Variants in FNDC3B observed in about 807,000 individuals in gnomAD.
FNDC3B encodes the protein fibronectin type III domain containing 3B, also known as fibronectin type III domain-containing protein 3B.
In FNDC3B, 12 loss-of-function variants were observed where a neutral mutation model predicts 151.5. That is an observed-to-expected ratio of 0.08 (90% confidence interval 0.05 to 0.13). The LOEUF is 0.13. Among genes scored for constraint, FNDC3B ranks in the 10% least tolerant of loss-of-function variants. The pLI is 1.00. For synonymous variants in FNDC3B, 528 were observed against 549.0 expected (o/e 0.96, Z 0.54); for missense variants, 1,214 against 1,505.3 (o/e 0.81, Z 3.20).
intron 2 of FNDC3B, among the ~76,000 whole-genome samples, chr3:172,130,740 A>G (rs551830859): frequency 3.9e-4 from 59 of 152,292 alleles, no homozygotes; most frequent in Non-Finnish European, 6.5e-4. Flanking sequence ...GTATTTTCTG[A>G]ACCGGTATTC....
At chr3:172,346,280 C>A in intron 19 of FNDC3B, 47 bp from the exon 20 acceptor site, 1 of 1,096,790 alleles carries the variant, frequency 9.1e-7, no homozygotes. Context: ...TTCACAAACA[C>A]ATACACGCAT....
intron 3 of FNDC3B, among the ~76,000 whole-genome samples, chr3:172,190,827 C>T (rs1724470406): frequency 6.6e-6 from 1 of 152,146 alleles, no homozygotes; most frequent in Admixed American, 6.6e-5. Context: ...TACCACCATG[C>T]CCGGCTAATT....
intron 3 of FNDC3B, among the ~76,000 whole-genome samples, chr3:172,206,659 C>CAAAAAAA (rs57377409): frequency 5.5e-5 from 3 of 54,482 alleles, no homozygotes; most frequent in African/African-American, 7.1e-5. Flanking sequence ...AACTCCATCT[C>CAAAAAAA]AAAAAAAAAA....
At chr3:172,185,499 GTTC>G (rs1042004764) in intron 3 of FNDC3B, among the ~76,000 whole-genome samples, 22 of 152,182 alleles carry the variant, frequency 1.4e-4, no homozygotes, top group Non-Finnish European at 2.9e-4. Flanking sequence ...GAGACATTGA[GTTC>G]TTCTACAGAA....
intron 6 of FNDC3B, among the ~76,000 whole-genome samples, chr3:172,276,779 A>T (rs1453999306): frequency 6.6e-6 from 1 of 152,216 alleles, no homozygotes. Context: ...ACAGATAGTG[A>T]TATATTCTAT....
At chr3:172,230,525 A>C (rs1726838826) in intron 4 of FNDC3B, among the ~76,000 whole-genome samples, 1 of 151,852 alleles carries the variant, frequency 6.6e-6, no homozygotes, top group Admixed American at 6.6e-5. Context: ...AAGAACAACA[A>C]CAACAAAAAT....
intron 6 of FNDC3B, among the ~76,000 whole-genome samples, chr3:172,257,569 TAC>T (rs10582558): frequency 0.22 from 32,095 of 143,504 alleles, 3,603 homozygotes; most frequent in Non-Finnish European, 0.27. Flanking sequence ...CACGCATTCA[TAC>T]ACACACACAC....
intron 1 of FNDC3B, among the ~76,000 whole-genome samples, chr3:172,098,772 G>C (rs1157386341): frequency 2.6e-4 from 39 of 152,214 alleles, no homozygotes; most frequent in Admixed American, 2.4e-3. Context: ...CACTGGCTTT[G>C]TTGACCCTGA....
intron 3 of FNDC3B, among the ~76,000 whole-genome samples, chr3:172,194,388 T>A (rs961353229): frequency 6.6e-6 from 1 of 152,230 alleles, no homozygotes; most frequent in East Asian, 1.9e-4. Context: ...ATGGATGACC[T>A]TACCTGTCAA....
chr3:172,253,473 A>G (rs1463805573), intron 6 of FNDC3B, among the ~76,000 whole-genome samples: 1 of 152,164 alleles, frequency 6.6e-6, no homozygotes, highest in Non-Finnish European at 1.5e-5. Flanking sequence ...TAGGATCCCA[A>G]AAGGCTTTTT....
intron 3 of FNDC3B, among the ~76,000 whole-genome samples, chr3:172,216,787 A>G (rs1024350045): frequency 3.4e-4 from 52 of 152,346 alleles, no homozygotes; most frequent in African/African-American, 1.2e-3. Flanking sequence ...TGAAGAGCAG[A>G]GTCCTGAGAC....
chr3:172,226,371 G>A (rs1287635869), intron 3 of FNDC3B, among the ~76,000 whole-genome samples: 3 of 151,390 alleles, frequency 2.0e-5, no homozygotes, highest in African/African-American at 7.3e-5. Flanking sequence ...ATAATTTAAG[G>A]ATTTCTTCTA....
At chr3:172,301,976 A>C (rs1478602741) in intron 9 of FNDC3B, 1 of 152,244 alleles carries the variant, frequency 6.6e-6, no homozygotes, top group African/African-American at 2.4e-5. Context: ...TTCTTTTAGC[A>C]GCACAAAACA....
chr3:172,069,098 T>C (rs1717644294), intron 1 of FNDC3B, among the ~76,000 whole-genome samples: 1 of 152,176 alleles, frequency 6.6e-6, no homozygotes, highest in Non-Finnish European at 1.5e-5. Flanking sequence ...ATTTAGTTAT[T>C]TAGGTCAGCT....
rs77034847 is a variant in FNDC3B at position 172,310,005 on chromosome 3, G to C, written c.1201-823G>C. Reference sequence around the variant, plus strand: ...TCTTTCCTAGGGAAGAGTCGGCCCTGGCATGTTTTTGAAGTGGGAGACACG... The same window carrying C: ...TCTTTCCTAGGGAAGAGTCGGCCCTCGCATGTTTTTGAAGTGGGAGACACG... On this transcript the variant is annotated intron_variant, in intron 10 of 25. Coordinates refer to ENST00000415807, the MANE Select transcript of FNDC3B (RefSeq NM_022763.4). Among the ~76,000 whole-genome samples, 13 of 152,206 alleles carry C rather than the reference G, an allele frequency of 8.5e-5. No individual in the cohort carries two copies. The East Asian group carries it at 2.5e-3, about 29-fold the overall frequency.
chr3:172,354,789 T>C (rs1734010157), intron 22 of FNDC3B, among the ~76,000 whole-genome samples: 2 of 151,944 alleles, frequency 1.3e-5, no homozygotes, highest in Non-Finnish European at 2.9e-5. Context: ...CATGATGTTC[T>C]AGATAAAAAC....
intron 16 of FNDC3B, among the ~76,000 whole-genome samples, chr3:172,338,587 T>C (rs1301602486): frequency 2.0e-5 from 3 of 152,220 alleles, no homozygotes; most frequent in African/African-American, 7.2e-5. Context: ...TAAAATTCCT[T>C]AGTGCCTTTT....
At chr3:172,181,143 C>A (rs1052758344) in intron 3 of FNDC3B, among the ~76,000 whole-genome samples, 1 of 109,982 alleles carries the variant, frequency 9.1e-6, no homozygotes, top group African/African-American at 3.1e-5. Flanking sequence ...TGCCTGTAAT[C>A]CCTGTACTTT....
intron 3 of FNDC3B, among the ~76,000 whole-genome samples, chr3:172,156,714 C>T (rs1443165184): frequency 1.4e-5 from 2 of 144,328 alleles, no homozygotes; most frequent in African/African-American, 2.6e-5. Context: ...TTTTTTTTTC[C>T]CCACTGTCTG....
Sources: gnomAD v4.1 joint callset for allele counts (sites outside exome capture counted in the v4.1 genomes callset) on GRCh38, gnomAD v4.1.1 for gene constraint, MANE v1.5 for transcripts, NCBI Gene and HGNC (gene_info 2026-07-23, HGNC 2026-07-21) for gene names.